Variants in EBF1 observed in about 807,000 individuals in gnomAD.
The protein encoded by EBF1 is transcription factor COE1.
Under a neutral mutation model 68.4 loss-of-function variants are expected in EBF1, and 10 were observed. The observed-to-expected ratio is 0.15, with a 90% CI of 0.09 to 0.25. The LOEUF (loss-of-function observed/expected upper bound fraction) is 0.25. Ranked by LOEUF, EBF1 falls within the 10% of genes least tolerant of loss-of-function variation. The probability of loss-of-function intolerance (pLI) is 1.00; values close to 1 mark genes in which losing one functional copy is unlikely to be tolerated. For missense variants in EBF1, 509 were observed against 794.4 expected, an observed-to-expected ratio of 0.64 and a Z score of 4.32; for synonymous variants, 298 against 299.8, an observed-to-expected ratio of 0.99 and a Z score of 0.06.
intron 11 of EBF1, among the ~76,000 whole-genome samples, chr5:158,729,822 C>T (rs1277971036): frequency 6.6e-6 from 1 of 152,212 alleles, no homozygotes; most frequent in Non-Finnish European, 1.5e-5. Flanking sequence ...ATGCAGGACA[C>T]AGGCCCTTGC....
chr5:158,889,821 T>C (rs907184085), intron 6 of EBF1, among the ~76,000 whole-genome samples: 2 of 152,146 alleles, frequency 1.3e-5, no homozygotes, highest in African/African-American at 4.8e-5. Context: ...CATCCACAGA[T>C]TCAACCAACC....
intron 6 of EBF1, among the ~76,000 whole-genome samples, chr5:159,017,085 T>G (rs994041306): frequency 2.0e-5 from 3 of 152,114 alleles, no homozygotes; most frequent in Admixed American, 2.0e-4. Context: ...ATCCGAAATA[T>G]TATTTTGACA....
intron 2 of EBF1, among the ~76,000 whole-genome samples, 165 bp downstream of exon 2, chr5:159,096,809 A>G (rs1782704892): frequency 6.6e-6 from 1 of 152,150 alleles, no homozygotes; most frequent in Non-Finnish European, 1.5e-5. Flanking sequence ...GAGCCAGTGG[A>G]CCAGGACCCT....
chr5:158,996,169 G>A (rs367872767), intron 6 of EBF1, among the ~76,000 whole-genome samples: 14 of 152,152 alleles, frequency 9.2e-5, no homozygotes, highest in African/African-American at 2.9e-4. Flanking sequence ...TCTTTTATTA[G>A]AGAAATCTGA....
intron 6 of EBF1, among the ~76,000 whole-genome samples, chr5:158,877,675 T>C (rs373735672): frequency 1.3e-5 from 2 of 150,454 alleles, no homozygotes; most frequent in Non-Finnish European, 3.0e-5. Context: ...GTTATGATAA[T>C]AGTTTATAAC....
chr5:158,944,140 T>A (rs930783600), intron 6 of EBF1, among the ~76,000 whole-genome samples: 2 of 152,300 alleles, frequency 1.3e-5, no homozygotes, highest in Admixed American at 6.5e-5. Context: ...GTTACATAGG[T>A]ATACATGTGC....
chr5:158,856,673 C>G (rs1794079735), intron 6 of EBF1, among the ~76,000 whole-genome samples: 1 of 152,210 alleles, frequency 6.6e-6, no homozygotes, highest in South Asian at 2.1e-4. Context: ...CCTACGCTCC[C>G]CCATCCACTC....
chr5:158,930,311 A>T, intron 6 of EBF1, among the ~76,000 whole-genome samples: 1 of 148,800 alleles, frequency 6.7e-6, no homozygotes, highest in African/African-American at 2.5e-5. Flanking sequence ...CATGTTTAGT[A>T]ATTAACAGAC....
intron 7 of EBF1, among the ~76,000 whole-genome samples, chr5:158,834,846 A>G (rs1788397864): frequency 6.6e-6 from 1 of 152,224 alleles, no homozygotes; most frequent in South Asian, 2.1e-4. Context: ...CAAGCATACA[A>G]AGTGAGATGG....
At chr5:159,073,139 G>T (rs1273509713) in intron 6 of EBF1, among the ~76,000 whole-genome samples, 2 of 152,130 alleles carry the variant, frequency 1.3e-5, no homozygotes, top group Non-Finnish European at 2.9e-5. Context: ...TTGAGCCACA[G>T]AAAGTCAGGA....
intron 6 of EBF1, among the ~76,000 whole-genome samples, chr5:159,053,637 A>C (rs562338971): frequency 8.1e-4 from 121 of 148,870 alleles, no homozygotes; most frequent in South Asian, 3.7e-3. Context: ...ACACACACAC[A>C]CCCCAGACAT....
At chr5:158,940,070 A>AGTGCCTTGCCTCGCCCTG (rs1812911275) in intron 6 of EBF1, among the ~76,000 whole-genome samples, 1 of 152,200 alleles carries the variant, frequency 6.6e-6, no homozygotes, top group Non-Finnish European at 1.5e-5. Flanking sequence ...GGGTAGCTGT[A>AGTGCCTTGCCTCGCCCTG]GTGCCTTGCC....
At chr5:158,812,424 T>C (rs969791302) in intron 8 of EBF1, among the ~76,000 whole-genome samples, 3 of 152,086 alleles carry the variant, frequency 2.0e-5, no homozygotes, top group Admixed American at 6.6e-5. Context: ...CACTCTATTC[T>C]CTTGGGGGTT....
intron 10 of EBF1, among the ~76,000 whole-genome samples, chr5:158,755,249 GA>G (rs1769811209): frequency 6.6e-6 from 1 of 151,852 alleles, no homozygotes; most frequent in Non-Finnish European, 1.5e-5. Flanking sequence ...GAAAAAAGTA[GA>G]AAACACACAT....
At chr5:159,019,025 C>T (rs1455932069) in intron 6 of EBF1, 1 of 152,254 alleles carries the variant, frequency 6.6e-6, no homozygotes, top group Non-Finnish European at 1.5e-5. Flanking sequence ...TTGCTACAAA[C>T]ATGCCTGTGT....
chr5:158,973,370 C>T (rs1447090392), intron 6 of EBF1, among the ~76,000 whole-genome samples: 1 of 152,010 alleles, frequency 6.6e-6, no homozygotes, highest in African/African-American at 2.4e-5. Flanking sequence ...TTCACACTCT[C>T]CTACCCCAAT....
At chr5:158,797,010 T>G (rs1365431917) in intron 8 of EBF1, among the ~76,000 whole-genome samples, 1 of 152,156 alleles carries the variant, frequency 6.6e-6, no homozygotes, top group Non-Finnish European at 1.5e-5. Context: ...CATTACGATT[T>G]TTTTTCAAAT....
intron 14 of EBF1, among the ~76,000 whole-genome samples, chr5:158,708,454 A>C (rs1051002341): frequency 1.3e-5 from 2 of 152,222 alleles, no homozygotes; most frequent in African/African-American, 4.8e-5. Context: ...AATTGTCATT[A>C]AGGGAAAATG....
intron 6 of EBF1, among the ~76,000 whole-genome samples, chr5:158,963,255 T>C (rs1753408057): frequency 6.6e-6 from 1 of 152,160 alleles, no homozygotes; most frequent in Admixed American, 6.5e-5. Flanking sequence ...CTCTACACAC[T>C]AGAGTCTTAA....
Sources: allele counts gnomAD v4.1 joint callset (sites outside exome capture counted in the v4.1 genomes callset), GRCh38; gene constraint gnomAD v4.1.1; transcripts MANE v1.5; gene names NCBI Gene and HGNC (gene_info 2026-07-23, HGNC 2026-07-21).